The following R3HDM2 variants were observed in gnomAD, a reference collection of about 807,000 sequenced individuals.
R3HDM2 encodes R3H domain-containing protein 2.
In R3HDM2, 38 loss-of-function variants were observed where a neutral mutation model predicts 124.5. That is an observed-to-expected ratio of 0.31 (90% CI 0.24 to 0.40). The LOEUF (loss-of-function observed/expected upper bound fraction) is 0.40. R3HDM2 is among the 10% of genes least tolerant of loss of function. R3HDM2 has a pLI of 1.00. For missense variants in R3HDM2, 869 were observed against 1,236.9 expected (o/e 0.70, Z 4.46); for synonymous variants, 391 against 448.0 (o/e 0.87, Z 1.61).
At chr12:57,283,149 C>T (rs987599810) in intron 13 of R3HDM2, among the ~76,000 whole-genome samples, 2 of 152,162 alleles carry the variant, frequency 1.3e-5, no homozygotes, top group Non-Finnish European at 2.9e-5. Flanking sequence ...CTAAGGATTC[C>T]CTCTGCTCTA....
intron 2 of R3HDM2, among the ~76,000 whole-genome samples, chr12:57,317,431 C>T (rs11172160): frequency 6.6e-6 from 1 of 151,614 alleles, no homozygotes; most frequent in Non-Finnish European, 1.5e-5. Flanking sequence ...GCAATCCACC[C>T]GCCTTGGCCT....
intron 1 of R3HDM2, among the ~76,000 whole-genome samples, chr12:57,402,755 G>A (rs1271722789): frequency 2.6e-5 from 4 of 151,834 alleles, no homozygotes; most frequent in Non-Finnish European, 4.4e-5. Flanking sequence ...GGGCAACAAA[G>A]CAGGACTCTG....
intron 3 of R3HDM2, among the ~76,000 whole-genome samples, chr12:57,306,069 A>C (rs992107657): frequency 1.3e-5 from 2 of 152,188 alleles, no homozygotes. Flanking sequence ...AGGTCAGGAT[A>C]AGAATATTAA....
chr12:57,259,205 GCTGATGTGGCTT>G (rs2040013005), intron 19 of R3HDM2, 146 bp from the exon 20 acceptor site: 4 of 744,566 alleles, frequency 5.4e-6, no homozygotes, highest in Non-Finnish European at 8.4e-6. Context: ...TGAGATGGCT[GCTGATGTGGCTT>G]CTGACTCCAT....
intron 2 of R3HDM2, among the ~76,000 whole-genome samples, chr12:57,349,358 G>A (rs2060420938): frequency 1.8e-5 from 2 of 109,582 alleles, no homozygotes; most frequent in Admixed American, 1.4e-4. Context: ...CTAACCTGCC[G>A]ACAGAGCGAG....
At chr12:57,297,197 A>G (rs780217101) in intron 8 of R3HDM2, 131 bp downstream of exon 8, 8 of 583,658 alleles carry the variant, frequency 1.4e-5, no homozygotes, top group South Asian at 2.4e-5. Context: ...TCAAATCTAC[A>G]TAATAACTTA....
intron 1 of R3HDM2, 39 bp from the exon 2 acceptor site, chr12:57,395,857 CA>C: frequency 1.1e-6 from 1 of 893,010 alleles, no homozygotes; most frequent in Non-Finnish European, 1.3e-6. Flanking sequence ...AAGTTAAAAG[CA>C]ATTTTAAACC....
chr12:57,332,940 C>T (rs1043101199), intron 2 of R3HDM2, among the ~76,000 whole-genome samples: 2 of 152,122 alleles, frequency 1.3e-5, no homozygotes, highest in African/African-American at 4.8e-5. Flanking sequence ...TCTGTAAATA[C>T]CTAAGTATGA....
intron 11 of R3HDM2, among the ~76,000 whole-genome samples, chr12:57,291,546 C>T (rs545445095): frequency 2.0e-5 from 3 of 151,300 alleles, no homozygotes; most frequent in East Asian, 1.9e-4. Flanking sequence ...CCCAGCTACT[C>T]GGGAGGCTGA....
chr12:57,324,425 C>T (rs972151320), intron 2 of R3HDM2, among the ~76,000 whole-genome samples: 1 of 152,174 alleles, frequency 6.6e-6, no homozygotes, highest in Non-Finnish European at 1.5e-5. Context: ...TCAGGTGATC[C>T]ATCTGCCTCA....
At chr12:57,429,997 T>C (rs1869330881) in intron 1 of R3HDM2, among the ~76,000 whole-genome samples, 1 of 152,240 alleles carries the variant, frequency 6.6e-6, no homozygotes, top group Non-Finnish European at 1.5e-5. Context: ...AACAACATTA[T>C]GTACAAGGAT....
At chr12:57,274,337 G>C (rs1283866789) in intron 14 of R3HDM2, among the ~76,000 whole-genome samples, 1 of 152,188 alleles carries the variant, frequency 6.6e-6, no homozygotes, top group Non-Finnish European at 1.5e-5. Flanking sequence ...AGCTGCGCAT[G>C]GTGGCACATG....
intron 2 of R3HDM2, among the ~76,000 whole-genome samples, chr12:57,358,451 A>G (rs956243216): frequency 1.3e-5 from 2 of 152,098 alleles, no homozygotes; most frequent in East Asian, 3.9e-4. Context: ...AGGCTGGCCA[A>G]TATGGCAAAA....
At chr12:57,277,248 AG>A (rs2137751662) in intron 14 of R3HDM2, among the ~76,000 whole-genome samples, 1 of 152,130 alleles carries the variant, frequency 6.6e-6, no homozygotes, top group Non-Finnish European at 1.5e-5. Flanking sequence ...ATTGGGCAAA[AG>A]GGAGATCCTG....
intron 2 of R3HDM2, among the ~76,000 whole-genome samples, chr12:57,337,831 A>G (rs190825516): frequency 6.6e-6 from 1 of 152,320 alleles, no homozygotes; most frequent in African/African-American, 2.4e-5. Context: ...TCAACTAATA[A>G]TAGCAGCAGC....
rs12319006 is a variant in R3HDM2, at chr12:57,330,993, C to T, written c.-35-20530G>A. Among the ~76,000 whole-genome samples the T allele has an allele frequency of 8.3e-3, 1,263 of 151,540 alleles. 16 individuals carry two copies. The highest frequency in any genetic ancestry group is 0.028 in the African/African-American group (1,171 of 41,352). ...GATTACAGGCGTGAGCCACCGTGCC[C>T]GGCCGGAATCTTTAGGGTTTTCTAT... On this transcript the variant is annotated intron_variant, in intron 2 of 23. Transcript: ENST00000402412.
At chr12:57,342,723 T>C (rs2059691254) in intron 2 of R3HDM2, among the ~76,000 whole-genome samples, 1 of 152,234 alleles carries the variant, frequency 6.6e-6, no homozygotes, top group Non-Finnish European at 1.5e-5. Context: ...CACCTTTAAA[T>C]TTACCTTACC....
chr12:57,316,792 C>T (rs2055135731), intron 2 of R3HDM2, among the ~76,000 whole-genome samples: 2 of 151,324 alleles, frequency 1.3e-5, no homozygotes, highest in South Asian at 2.1e-4. Context: ...CTCTGTCACC[C>T]AGGCTGGAGT....
chr12:57,427,828 C>T (rs1219401995), intron 1 of R3HDM2, among the ~76,000 whole-genome samples: 2 of 151,838 alleles, frequency 1.3e-5, no homozygotes, highest in Non-Finnish European at 2.9e-5. Context: ...TTGGGCCAGG[C>T]GCAGTGGCTC....
Sources: allele counts gnomAD v4.1 joint callset (sites outside exome capture counted in the v4.1 genomes callset), GRCh38; gene constraint gnomAD v4.1.1; transcripts MANE v1.5; gene names NCBI Gene and HGNC (gene_info 2026-07-23, HGNC 2026-07-21).